CDKAL1: variants seen among roughly 807,000 people sequenced by gnomAD.
The protein encoded by CDKAL1 is CDKAL1 threonylcarbamoyladenosine tRNA methylthiotransferase.
Under a neutral mutation model 68.2 loss-of-function variants are expected in CDKAL1, and 32 were observed. That is an observed-to-expected ratio of 0.47 (90% CI 0.35 to 0.63). CDKAL1 has a LOEUF of 0.63. Ranked by LOEUF, CDKAL1 falls within the 30% of genes least tolerant of loss-of-function variation. The pLI is 0.00. For synonymous variants in CDKAL1, 234 were observed against 244.3 expected (o/e 0.96, Z 0.39); for missense variants, 606 against 696.7 (o/e 0.87, Z 1.47).
At chr6:20,579,509 A>G (rs1451660566) in intron 4 of CDKAL1, among the ~76,000 whole-genome samples, 1 of 152,164 alleles carries the variant, frequency 6.6e-6, no homozygotes, top group Non-Finnish European at 1.5e-5. Context: ...GTGCCAGTTC[A>G]TTGTCCTAAT....
At chr6:21,099,748 G>A (rs1441688200) in intron 12 of CDKAL1, among the ~76,000 whole-genome samples, 1 of 152,262 alleles carries the variant, frequency 6.6e-6, no homozygotes, top group Non-Finnish European at 1.5e-5. Flanking sequence ...TGTGCGGTAT[G>A]TGGTGTACTT....
At chr6:20,955,199 A>G (rs1764720518) in intron 9 of CDKAL1, among the ~76,000 whole-genome samples, 2 of 152,222 alleles carry the variant, frequency 1.3e-5, no homozygotes, top group African/African-American at 4.8e-5. Context: ...TTCATAGGAC[A>G]CACTGATAAT....
chr6:21,138,850 C>T (rs1775751886), intron 13 of CDKAL1, among the ~76,000 whole-genome samples: 2 of 152,292 alleles, frequency 1.3e-5, no homozygotes, highest in African/African-American at 2.4e-5. Context: ...GGTCCCACCC[C>T]GGAGAACACT....
At chr6:20,609,262 T>TTCCTCCTCCTTCTCC (rs1362027648) in intron 4 of CDKAL1, among the ~76,000 whole-genome samples, 1 of 24,850 alleles carries the variant, frequency 4.0e-5, no homozygotes, top group Non-Finnish European at 8.7e-5. Context: ...TCCTCCTTCC[T>TTCCTCCTCCTTCTCC]TCCTCCTCCT....
intron 4 of CDKAL1, among the ~76,000 whole-genome samples, chr6:20,583,060 GA>G (rs1352116234): frequency 1.3e-5 from 2 of 152,148 alleles, no homozygotes; most frequent in African/African-American, 2.4e-5. Flanking sequence ...TTTTCTGAGG[GA>G]TTTTTTTTGG....
At chr6:20,568,822 T>A (rs1764585690) in intron 4 of CDKAL1, among the ~76,000 whole-genome samples, 1 of 152,006 alleles carries the variant, frequency 6.6e-6, no homozygotes, top group Non-Finnish European at 1.5e-5. Flanking sequence ...CACTCCTCCC[T>A]ATGCTGCCAC....
chr6:21,043,495 T>C (rs1051674870), intron 11 of CDKAL1, among the ~76,000 whole-genome samples: 1 of 152,202 alleles, frequency 6.6e-6, no homozygotes, highest in Admixed American at 6.5e-5. Flanking sequence ...GCAACACTTG[T>C]AAGGATACTC....
intron 10 of CDKAL1, among the ~76,000 whole-genome samples, chr6:20,956,923 T>C (rs1764801926): frequency 1.3e-5 from 2 of 151,542 alleles, no homozygotes; most frequent in Admixed American, 6.6e-5. Flanking sequence ...ATGATTATGA[T>C]TTGCTATTTA....
intron 5 of CDKAL1, among the ~76,000 whole-genome samples, chr6:20,705,622 T>C (rs1208408965): frequency 1.3e-5 from 2 of 152,182 alleles, no homozygotes; most frequent in Non-Finnish European, 2.9e-5. Flanking sequence ...AGAAGCTCTT[T>C]TGCAAAGACT....
At chr6:21,028,350 G>A (rs998548201) in intron 11 of CDKAL1, among the ~76,000 whole-genome samples, 3 of 152,088 alleles carry the variant, frequency 2.0e-5, no homozygotes, top group African/African-American at 4.8e-5. Context: ...GTCTGCTCAC[G>A]CTACCATAAC....
chr6:20,601,192 T>C (rs1766082160), intron 4 of CDKAL1, among the ~76,000 whole-genome samples: 1 of 152,130 alleles, frequency 6.6e-6, no homozygotes, highest in African/African-American at 2.4e-5. Context: ...TCTCAATACC[T>C]CTGAGAAAGA....
At chr6:21,065,647 AT>A (rs536654201) in intron 12 of CDKAL1, among the ~76,000 whole-genome samples, 153 of 136,564 alleles carry the variant, frequency 1.1e-3, no homozygotes, top group Middle Eastern at 4.0e-3. Context: ...CTGCTTTTCT[AT>A]TGGATAGATT....
Position 21,065,109 on chromosome 6 carries a change from G to A in CDKAL1, c.1117G>A (p.Asp373Asn). The change falls in exon 12 of 16, where the codon GAT becomes AAT. Residue 373 changes from aspartate (D) to asparagine (N), a missense_variant. Asp to Asn is a conservative substitution (Grantham distance 23). Coordinates refer to ENST00000274695, the MANE Select transcript of CDKAL1 (RefSeq NM_017774.3). ...ICGFPGETDQ[D>N]FQETVKLVEE... ...TGGTTTTCCTGGAGAAACAGATCAG[G>A]ATTTTCAAGAAACAGTGAAACTTGT... 6.2e-7 allele frequency: 1 copy of A among 1,607,096 alleles called. No individual in the cohort carries two copies. Among genetic ancestry groups the A allele is most frequent in the South Asian group, 1.1e-5 (1 of 88,448 alleles).
chr6:20,961,236 A>G (rs1345592345), intron 10 of CDKAL1, among the ~76,000 whole-genome samples: 1 of 152,242 alleles, frequency 6.6e-6, no homozygotes, highest in East Asian at 1.9e-4. Context: ...TGGTATGTGT[A>G]CACCATGGAA....
chr6:20,758,575 T>C lies in CDKAL1; in HGVS notation c.469-20T>C. The C allele has an allele frequency of 3.8e-6, 6 of 1,586,544 alleles. No individual in the cohort carries two copies. The highest frequency in any genetic ancestry group is 5.1e-6 in the Non-Finnish European group (6 of 1,169,516). ...TTCTTCGTGTAAATTACTTGTGTAA[T>C]CGTTTTTTTTTTTTTCCAGGTTCAG... On this transcript the variant is annotated intron_variant, in intron 6 of 15. Transcript: ENST00000274695.
At chr6:21,131,545 T>G (rs1326825002) in intron 13 of CDKAL1, among the ~76,000 whole-genome samples, 1 of 152,158 alleles carries the variant, frequency 6.6e-6, no homozygotes, top group Non-Finnish European at 1.5e-5. Flanking sequence ...CATAGACAAG[T>G]CAAAAGCAAT....
intron 10 of CDKAL1, among the ~76,000 whole-genome samples, chr6:20,973,507 A>G (rs1232853164): frequency 6.6e-6 from 1 of 152,140 alleles, no homozygotes; most frequent in Admixed American, 6.5e-5. Context: ...GTCACTGTGA[A>G]CAGCAGTAGA....
chr6:21,149,647 A>T (rs941542287), intron 13 of CDKAL1, among the ~76,000 whole-genome samples: 3 of 152,176 alleles, frequency 2.0e-5, no homozygotes, highest in African/African-American at 7.2e-5. Context: ...ATGCTAATAA[A>T]AGTAATTGAA....
At chr6:21,122,808 T>TG (rs1294071579) in intron 13 of CDKAL1, among the ~76,000 whole-genome samples, 2 of 148,664 alleles carry the variant, frequency 1.3e-5, no homozygotes, top group East Asian at 4.0e-4. Flanking sequence ...GTTAGGTTTT[T>TG]TTTTTTTTTT....
Sources: allele counts gnomAD v4.1 joint callset (sites outside exome capture counted in the v4.1 genomes callset), GRCh38; gene constraint gnomAD v4.1.1; transcripts MANE v1.5; gene names NCBI Gene and HGNC (gene_info 2026-07-23, HGNC 2026-07-21).